BBS9: variants seen among roughly 807,000 people sequenced by gnomAD.
BBS9 encodes Bardet-Biedl syndrome 9.
A neutral mutation model predicts 117.7 loss-of-function variants in BBS9; 89 were observed. The observed-to-expected ratio is 0.76, with a 90% CI of 0.64 to 0.90. The LOEUF is 0.90. BBS9 is among the 40% of genes least tolerant of loss of function. The probability of loss-of-function intolerance (pLI) is 0.00; values close to 1 mark genes in which losing one functional copy is unlikely to be tolerated. For synonymous variants in BBS9, 379 were observed against 370.9 expected, an observed-to-expected ratio of 1.02 and a Z score of -0.25; for missense variants, 982 against 1,042.2, an observed-to-expected ratio of 0.94 and a Z score of 0.80.
chr7:33,527,963 C>T (rs1471737040), intron 20 of BBS9, among the ~76,000 whole-genome samples: 2 of 152,058 alleles, frequency 1.3e-5, no homozygotes, highest in East Asian at 1.9e-4. Flanking sequence ...TTTATTTGTT[C>T]TGGGGTTTAC....
At chr7:33,337,638 A>G (rs1172147536) in intron 10 of BBS9, among the ~76,000 whole-genome samples, 3 of 152,162 alleles carry the variant, frequency 2.0e-5, no homozygotes, top group Admixed American at 6.5e-5. Context: ...AGGTCTTTCA[A>G]GTACCTCCAA....
At chr7:33,438,059 C>G (rs56810556) in intron 19 of BBS9, among the ~76,000 whole-genome samples, 72 of 152,220 alleles carry the variant, frequency 4.7e-4, no homozygotes, top group East Asian at 4.4e-3. Flanking sequence ...TATTGTAACA[C>G]CTGGTGATAA....
At chr7:33,408,168 C>T (rs1830413890) in intron 19 of BBS9, among the ~76,000 whole-genome samples, 2 of 152,316 alleles carry the variant, frequency 1.3e-5, no homozygotes, top group Admixed American at 6.5e-5. Context: ...AGCCTCGCTG[C>T]CACCTTGCAG....
At chr7:33,627,492 C>G (rs1448102486) in intron 21 of BBS9, among the ~76,000 whole-genome samples, 1 of 152,184 alleles carries the variant, frequency 6.6e-6, no homozygotes, top group Non-Finnish European at 1.5e-5. Flanking sequence ...AAGAGGTCCA[C>G]CATCCTCCAG....
chr7:33,634,731 G>A (rs1866061096), intron 21 of BBS9, among the ~76,000 whole-genome samples: 1 of 152,216 alleles, frequency 6.6e-6, no homozygotes, highest in Non-Finnish European at 1.5e-5. Context: ...GGATGTGTAA[G>A]CATGCAGTGT....
intron 19 of BBS9, among the ~76,000 whole-genome samples, chr7:33,417,166 A>C (rs1223806313): frequency 6.6e-6 from 1 of 152,222 alleles, no homozygotes; most frequent in Non-Finnish European, 1.5e-5. Context: ...TGTGAATATT[A>C]TCTTAGGCCC....
At chr7:33,314,868 G>C (rs1810138780) in intron 9 of BBS9, among the ~76,000 whole-genome samples, 1 of 152,190 alleles carries the variant, frequency 6.6e-6, no homozygotes, top group African/African-American at 2.4e-5. Context: ...AGGTAGGAGT[G>C]ATGTATTTTA....
chr7:33,527,402 T>G (rs960760514), intron 20 of BBS9, among the ~76,000 whole-genome samples: 6 of 152,086 alleles, frequency 3.9e-5, no homozygotes, highest in Non-Finnish European at 7.3e-5. Context: ...TCAGCGAGAC[T>G]CCGTGGGCGT....
chr7:33,411,231 A>C (rs1584725551), intron 19 of BBS9, among the ~76,000 whole-genome samples: 1 of 152,124 alleles, frequency 6.6e-6, no homozygotes, highest in Admixed American at 6.6e-5. Context: ...TTAGCTTCCT[A>C]TTTAGCAAAC....
At chr7:33,185,244 G>A (rs1304166230) in intron 5 of BBS9, among the ~76,000 whole-genome samples, 3 of 151,908 alleles carry the variant, frequency 2.0e-5, no homozygotes, top group African/African-American at 7.3e-5. Flanking sequence ...CTTATCCTGT[G>A]ACTTGGAATG....
At chr7:33,406,295 G>T (rs190865877) in intron 19 of BBS9, among the ~76,000 whole-genome samples, 1 of 152,244 alleles carries the variant, frequency 6.6e-6, no homozygotes, top group East Asian at 1.9e-4. Context: ...GTGTGGTGTG[G>T]TGCTGAAGAA....
chr7:33,367,738 A>G (rs147063167), intron 16 of BBS9, 29 bp from the exon 17 acceptor site: 2 of 1,602,558 alleles, frequency 1.2e-6, no homozygotes, highest in Non-Finnish European at 1.7e-6. Flanking sequence ...TTCTGGTTAC[A>G]TAAGGTGATT....
intron 20 of BBS9, among the ~76,000 whole-genome samples, chr7:33,532,557 A>G (rs1850754228): frequency 6.6e-6 from 1 of 152,170 alleles, no homozygotes; most frequent in Non-Finnish European, 1.5e-5. Flanking sequence ...TTATTAAACC[A>G]TCAGATCTCA....
chr7:33,584,587 A>G (rs1563402985), intron 21 of BBS9, among the ~76,000 whole-genome samples: 1 of 151,984 alleles, frequency 6.6e-6, no homozygotes, highest in Non-Finnish European at 1.5e-5. Context: ...ATTATCCTCT[A>G]TTGAGATTCC....
At chr7:33,145,719 C>G (rs1315000738) in intron 1 of BBS9, among the ~76,000 whole-genome samples, 2 of 152,112 alleles carry the variant, frequency 1.3e-5, no homozygotes, top group African/African-American at 4.8e-5. Context: ...AGATTGAAAC[C>G]TGTGGATATG....
chr7:33,145,597 G>A (rs1356320385), intron 1 of BBS9, among the ~76,000 whole-genome samples: 1 of 152,152 alleles, frequency 6.6e-6, no homozygotes, highest in Non-Finnish European at 1.5e-5. Context: ...ACCAGTTCCA[G>A]GGCTAGTCAC....
intron 19 of BBS9, among the ~76,000 whole-genome samples, chr7:33,430,380 A>G (rs1335180069): frequency 1.3e-5 from 2 of 152,210 alleles, no homozygotes; most frequent in African/African-American, 4.8e-5. Context: ...TGTTCTCACT[A>G]GATATAAATT....
intron 5 of BBS9, among the ~76,000 whole-genome samples, chr7:33,217,621 A>G (rs1273991754): frequency 6.6e-6 from 1 of 152,254 alleles, no homozygotes; most frequent in Non-Finnish European, 1.5e-5. Flanking sequence ...CAGCATGCAC[A>G]TATATTCTAA....
At chr7:33,432,671 T>A (rs1834696091) in intron 19 of BBS9, among the ~76,000 whole-genome samples, 2 of 152,194 alleles carry the variant, frequency 1.3e-5, no homozygotes, top group African/African-American at 4.8e-5. Context: ...GTTGTCTATG[T>A]TGTTATTCGA....
Sources: allele counts gnomAD v4.1 joint callset (sites outside exome capture counted in the v4.1 genomes callset), GRCh38; gene constraint gnomAD v4.1.1; transcripts MANE v1.5; gene names NCBI Gene and HGNC (gene_info 2026-07-23, HGNC 2026-07-21).